Variants in COX15 observed in about 807,000 individuals in gnomAD.
The protein encoded by COX15 is heme A synthase COX15.
In COX15, 51 loss-of-function variants were observed where a neutral mutation model predicts 51.9. That is an observed-to-expected ratio of 0.98 (90% CI 0.78 to 1.24). The LOEUF is 1.24. Among genes scored for constraint, COX15 ranks in the 50% most tolerant of loss-of-function variants. COX15 has a pLI of 0.00. For missense variants in COX15, 420 were observed against 501.1 expected (o/e 0.84, Z 1.55); for synonymous variants, 188 against 190.5 (o/e 0.99, Z 0.11).
rs1329348691 is a variant in COX15, at chr10:99,713,408, C to T, written c.*1179G>A. On this transcript the variant is annotated 3_prime_UTR_variant, in exon 9 of 9. Transcript: ENST00000016171. ...ATTAGCAATATTGGGTTGCTCCATCCTCAAATCAGATGTTTCTGATGCCTT... is the reference window on the plus strand; with the variant it reads ...ATTAGCAATATTGGGTTGCTCCATCTTCAAATCAGATGTTTCTGATGCCTT... The T allele has an allele frequency of 6.2e-7, 1 of 1,613,952 alleles. No individual in the cohort carries two copies. The highest frequency in any genetic ancestry group is 1.7e-5 in the Admixed American group (1 of 59,996).
intron 6 of COX15, 105 bp downstream of exon 6, chr10:99,720,882 G>T: frequency 2.3e-6 from 2 of 873,090 alleles, no homozygotes; most frequent in Non-Finnish European, 3.8e-6. Context: ...AAACAGATGT[G>T]AAAAGGAAAT....
Position 99,713,188 on chromosome 10 carries a change from A to C in COX15, c.*1399T>G. 2 of 1,379,724 alleles carry C rather than the reference A, an allele frequency of 1.4e-6. No homozygotes were observed. The highest frequency in any genetic ancestry group is 1.9e-6 in the Non-Finnish European group (2 of 1,057,934). The allele number at this position is 1,379,724 out of a possible 1,614,324, so 85.5% of individuals were successfully genotyped here. A position where few individuals can be genotyped will look rare whatever the true frequency, so the allele number is the denominator to read the frequency against. On this transcript the variant is annotated 3_prime_UTR_variant, in exon 9 of 9. Coordinates refer to ENST00000016171, the MANE Select transcript of COX15 (RefSeq NM_078470.6). Reference sequence around the variant, plus strand: ...ATCATATAATAACAACATGAATACTACTTGGTTCATATTGAACCTGAGGAC... The same window carrying C: ...ATCATATAATAACAACATGAATACTCCTTGGTTCATATTGAACCTGAGGAC...
intron 7 of COX15, among the ~76,000 whole-genome samples, chr10:99,717,503 G>A (rs748537231): frequency 4.6e-5 from 7 of 152,012 alleles, no homozygotes; most frequent in South Asian, 2.1e-4. Flanking sequence ...GAGCCATTGC[G>A]CCCAGTGCTC....
the COX15 span, chr10:99,696,126 C>T: frequency 6.2e-7 from 1 of 1,612,738 alleles, no homozygotes; most frequent in Non-Finnish European, 8.5e-7. Flanking sequence ...AAAACAGGTA[C>T]ATTTGATATG....
At chr10:99,708,797 G>A (rs1419556816), downstream of COX15, 2 of 984,456 alleles carry the variant, frequency 2.0e-6, no homozygotes, top group Non-Finnish European at 2.4e-6. Flanking sequence ...TGTAATATGT[G>A]CAAAGTCATA....
chr10:99,710,986 G>GT lies in COX15; in HGVS notation c.*3600dup, dbSNP rs2036364611. On this transcript the variant is annotated 3_prime_UTR_variant, in exon 9 of 9. Coordinates refer to ENST00000016171, the MANE Select transcript of COX15 (RefSeq NM_078470.6). ...TAATCCTATAGGTATGTGATGACTTGTTTTTTTGGAAAAAGGTATTTGGAA... is the reference window on the plus strand; with the variant it reads ...TAATCCTATAGGTATGTGATGACTTGTTTTTTTTGGAAAAAGGTATTTGGAA... 2 of 984,850 alleles carry GT rather than the reference G, an allele frequency of 2.0e-6. No homozygotes were observed. Among genetic ancestry groups the GT allele is most frequent in the Admixed American group, 6.2e-5 (1 of 16,244 alleles). 61.0% of individuals were successfully genotyped at this position (984,850 alleles called of 1,614,324 possible).
chr10:99,700,369 G>GTTTT, the COX15 span, among the ~76,000 whole-genome samples: 1 of 151,018 alleles, frequency 6.6e-6, no homozygotes. Flanking sequence ...ATTTTTCCCT[G>GTTTT]AGCATTTATG....
the COX15 span, among the ~76,000 whole-genome samples, chr10:99,703,454 C>G: frequency 6.6e-6 from 1 of 152,192 alleles, no homozygotes; most frequent in Non-Finnish European, 1.5e-5. Flanking sequence ...TTTGCCAGTT[C>G]TCATCTGTCC....
chr10:99,695,698 A>G, the COX15 span, among the ~76,000 whole-genome samples: 25 of 152,278 alleles, frequency 1.6e-4, no homozygotes, highest in African/African-American at 5.8e-4. Flanking sequence ...TAGTAATTCT[A>G]CCTCCTATAT....
chr10:99,709,235 T>G (rs2036311726), downstream of COX15: 1 of 985,404 alleles, frequency 1.0e-6, no homozygotes, highest in Non-Finnish European at 1.2e-6. Context: ...CAGACTCTGT[T>G]ACAGAAACAG....
In COX15 at chr10:99,712,480, T is replaced by C. The variant is rs978718543; in HGVS notation, c.*2107A>G. On this transcript the variant is annotated 3_prime_UTR_variant, in exon 9 of 9. Transcript: ENST00000016171. ...GACTTAAACACTGCAAAATTAAACA[T>C]TTATATCTGAATCCAGCATCTCTTT... 2.0e-6 allele frequency: 2 copies of C among 985,342 alleles called. No individual in the cohort carries two copies. Among genetic ancestry groups the C allele is most frequent in the African/African-American group, 3.5e-5 (2 of 57,256 alleles). 61.0% of individuals were successfully genotyped at this position (985,342 alleles called of 1,614,324 possible).
At chr10:99,701,742 T>C in the COX15 span, among the ~76,000 whole-genome samples, 3 of 152,008 alleles carry the variant, frequency 2.0e-5, no homozygotes, top group Non-Finnish European at 4.4e-5. Flanking sequence ...TTTTTAAATG[T>C]TTTAGTTAAA....
Position 99,729,597 on chromosome 10 carries a change from GCAGAC to G in COX15, c.223_227del (p.Val75GlnfsTer15). On this transcript the variant is annotated frameshift_variant, in exon 2 of 9. Transcript: ENST00000016171. LOFTEE classifies it high-confidence loss of function. ...TAACTGCTCCAGCCACTGTTCCACTGCAGACCAGGAGCCATCGGCCCACCACCCGC... is the reference window on the plus strand; with the variant it reads ...TAACTGCTCCAGCCACTGTTCCACTGCAGGAGCCATCGGCCCACCACCCGC... 6.2e-7 allele frequency: 1 copy of G among 1,613,764 alleles called. No individual in the cohort carries two copies. The highest frequency in any genetic ancestry group is 8.5e-7 in the Non-Finnish European group (1 of 1,179,982).
Position 99,713,102 on chromosome 10 carries a change from T to G in COX15, c.*1485A>C. 4 of 1,240,084 alleles carry G rather than the reference T, an allele frequency of 3.2e-6. No homozygotes were observed. The South Asian group carries it at 6.7e-5, about 21-fold the overall frequency. The allele number at this position is 1,240,084 out of a possible 1,614,324, so 76.8% of individuals were successfully genotyped here. A position where few individuals can be genotyped will look rare whatever the true frequency, so the allele number is the denominator to read the frequency against. On this transcript the variant is annotated 3_prime_UTR_variant, in exon 9 of 9. Transcript: ENST00000016171. ...AGTGAAATGCAGTATGTTAGGGGTA[T>G]TTTGACTATGGCTGTGACACTTCTA...
chr10:99,701,835 T>A, the COX15 span, among the ~76,000 whole-genome samples: 1 of 150,994 alleles, frequency 6.6e-6, no homozygotes, highest in South Asian at 2.1e-4. Flanking sequence ...ATCACCTGAG[T>A]TCAGGAGTTC....
At chr10:99,722,909 A>C (rs371290877) in intron 5 of COX15, 10 of 151,994 alleles carry the variant, frequency 6.6e-5, no homozygotes, top group Admixed American at 5.9e-4. Flanking sequence ...ATAATTCCTT[A>C]TTTTTCAGAT....
chr10:99,699,888 C>T, the COX15 span, among the ~76,000 whole-genome samples: 1 of 151,900 alleles, frequency 6.6e-6, no homozygotes, highest in East Asian at 1.9e-4. Context: ...TCCCTCCCTC[C>T]CTCCCTTCCC....
chr10:99,710,420 G>A (rs552383025), downstream of COX15: 125 of 978,880 alleles, frequency 1.3e-4, no homozygotes, highest in Middle Eastern at 5.3e-4. Flanking sequence ...TCTGCGGAGT[G>A]TAGTGAAAGA....
chr10:99,720,807 A>G (rs927741868), intron 6 of COX15, among the ~76,000 whole-genome samples, 180 bp downstream of exon 6: 2 of 151,054 alleles, frequency 1.3e-5, no homozygotes, highest in East Asian at 1.9e-4. Context: ...TTCAATTGAC[A>G]GTAAAGTAGA....
Sources: allele counts gnomAD v4.1 joint callset (sites outside exome capture counted in the v4.1 genomes callset), GRCh38; gene constraint gnomAD v4.1.1; transcripts MANE v1.5; gene names NCBI Gene and HGNC (gene_info 2026-07-23, HGNC 2026-07-21).